Variants in DNAJC6 observed in about 807,000 individuals in gnomAD.
DNAJC6 encodes auxilin.
DNAJC6 carries 34 observed loss-of-function variants against 110.0 expected under a neutral mutation model. The ratio of observed to expected loss-of-function variants is 0.31; its 90% CI spans 0.24 to 0.41. The LOEUF is 0.41. DNAJC6 is among the 10% of genes least tolerant of loss of function. The pLI, the probability that DNAJC6 is intolerant of heterozygous loss-of-function variation, is 1.00. For synonymous variants in DNAJC6, 406 were observed against 437.2 expected, an observed-to-expected ratio of 0.93 and a Z score of 0.89; for missense variants, 1,031 against 1,207.8, an observed-to-expected ratio of 0.85 and a Z score of 2.17.
chr1:65,411,733 G>C (rs1037713627), intron 18 of DNAJC6, among the ~76,000 whole-genome samples: 1 of 152,120 alleles, frequency 6.6e-6, no homozygotes, highest in South Asian at 2.1e-4. Flanking sequence ...CTTTGGGGGG[G>C]GCAGGGTAGG....
chr1:65,309,804 A>G lies in DNAJC6; in HGVS notation c.59A>G (p.Gln20Arg). The change falls in exon 1 of 19, where the codon CAG (glutamine) becomes CGG (arginine). Residue 20 changes from glutamine to arginine, a missense_variant. Coordinates refer to ENST00000371069, the MANE Select transcript of DNAJC6 (RefSeq NM_001256864.2). ...AGCAACGATGGTTATGAATCTTTGCAGCTGGTGGACAGTAACGGGGACTTA... is the reference window on the plus strand; with the variant it reads ...AGCAACGATGGTTATGAATCTTTGCGGCTGGTGGACAGTAACGGGGACTTA... Reference protein sequence around the residue: ...KTSNDGYESLQLVDSNGDLSA... With the variant: ...KTSNDGYESLRLVDSNGDLSA... 1 of 1,549,802 alleles carries G rather than the reference A, an allele frequency of 6.5e-7. No homozygotes were observed. The highest frequency in any genetic ancestry group is 8.7e-7 in the Non-Finnish European group (1 of 1,146,622).
At chr1:65,272,466 G>A (rs1653535408) in intron 1 of DNAJC6, among the ~76,000 whole-genome samples, 1 of 152,210 alleles carries the variant, frequency 6.6e-6, no homozygotes, top group Non-Finnish European at 1.5e-5. Context: ...CTTTGTCCAT[G>A]AGAGAGATTA....
At chr1:65,371,449 T>A (rs1319896298) in intron 4 of DNAJC6, among the ~76,000 whole-genome samples, 1 of 152,106 alleles carries the variant, frequency 6.6e-6, no homozygotes, top group Non-Finnish European at 1.5e-5. Flanking sequence ...TTGCTTAGAG[T>A]CATCATGCAG....
chr1:65,283,207 A>G (rs1653908103), intron 1 of DNAJC6, among the ~76,000 whole-genome samples: 1 of 152,240 alleles, frequency 6.6e-6, no homozygotes, highest in Admixed American at 6.5e-5. Flanking sequence ...TATGCTATGT[A>G]CTATGTGAAT....
intron 1 of DNAJC6, among the ~76,000 whole-genome samples, chr1:65,348,938 G>A (rs989159638): frequency 6.9e-6 from 1 of 145,326 alleles, no homozygotes; most frequent in African/African-American, 2.5e-5. Context: ...TTGTGTGTGT[G>A]CATGTGTGTA....
rs1646157582 is a variant in DNAJC6 at position 65,414,871 on chromosome 1, CAATT to C, written c.*1849_*1852del. On this transcript the variant is annotated 3_prime_UTR_variant, in exon 19 of 19. Coordinates refer to ENST00000371069, the MANE Select transcript of DNAJC6 (RefSeq NM_001256864.2). ...TGTGAACTACAGTATATAATGATAA[CAATT>C]AAAAGGATATTCTGTGGATGTCACG... 6.6e-6 allele frequency: 1 copy of C among 152,554 alleles called. No homozygotes were observed. The highest frequency in any genetic ancestry group is 2.4e-5 in the African/African-American group (1 of 41,420). The allele number at this position is 152,554 out of a possible 1,614,324, so 9.5% of individuals were successfully genotyped here.
chr1:65,296,694 T>C (rs928417199), intron 1 of DNAJC6, among the ~76,000 whole-genome samples: 1 of 151,694 alleles, frequency 6.6e-6, no homozygotes, highest in Non-Finnish European at 1.5e-5. Context: ...TTCAAGCAAT[T>C]CTCTGCCTCA....
In DNAJC6 at chr1:65,365,948, G is replaced by A; in HGVS notation, c.394+14G>A. On this transcript the variant is annotated intron_variant, in intron 3 of 18. Coordinates refer to ENST00000371069, the MANE Select transcript of DNAJC6 (RefSeq NM_001256864.2). ...CCAGAATTATTGGTAAGTTTCTCAT[G>A]TTTATTAACAGTCCTTTGGCTCAGT... 1 of 1,613,498 alleles carries A rather than the reference G, an allele frequency of 6.2e-7. No individual in the cohort carries two copies. Among genetic ancestry groups the A allele is most frequent in the Non-Finnish European group, 8.5e-7 (1 of 1,179,650 alleles).
chr1:65,323,224 C>T (rs768711098), intron 1 of DNAJC6, among the ~76,000 whole-genome samples: 34 of 152,136 alleles, frequency 2.2e-4, no homozygotes, highest in Non-Finnish European at 4.4e-4. Flanking sequence ...TATGATTTGG[C>T]TTTGTGTCCT....
At chr1:65,377,419 C>A (rs901398096) in intron 4 of DNAJC6, among the ~76,000 whole-genome samples, 4 of 152,138 alleles carry the variant, frequency 2.6e-5, no homozygotes, top group African/African-American at 9.7e-5. Context: ...AAAGACTAGA[C>A]CAGAAACAGT....
chr1:65,380,922 T>TTG (rs1553145957), intron 5 of DNAJC6, among the ~76,000 whole-genome samples: 1,710 of 125,026 alleles, frequency 0.014, 205 homozygotes, highest in African/African-American at 0.059. Context: ...TTTTGTTTTG[T>TTG]TTTTTTTTTT....
chr1:65,345,262 G>A (rs1263229261), intron 1 of DNAJC6, among the ~76,000 whole-genome samples: 2 of 151,330 alleles, frequency 1.3e-5, no homozygotes, highest in African/African-American at 4.9e-5. Flanking sequence ...GTGTGTGTGT[G>A]TGTGTATTTT....
intron 1 of DNAJC6, among the ~76,000 whole-genome samples, chr1:65,269,970 A>T (rs1653453508): frequency 6.6e-6 from 1 of 152,070 alleles, no homozygotes; most frequent in Admixed American, 6.6e-5. Context: ...ATGTAGTAAA[A>T]CCTTCTATAC....
chr1:65,373,525 A>G lies in DNAJC6; in HGVS notation c.544-5877A>G, dbSNP rs182495090. Among the ~76,000 whole-genome samples, 172 of 152,194 alleles carry G rather than the reference A, an allele frequency of 1.1e-3. 1 individual carries two copies. Among genetic ancestry groups the G allele is most frequent in the African/African-American group, 3.9e-3 (160 of 41,530 alleles). On this transcript the variant is annotated intron_variant, in intron 4 of 18. Coordinates refer to ENST00000371069, the MANE Select transcript of DNAJC6 (RefSeq NM_001256864.2). ...TGTGATTTTGATTTGCATTTCTCTGATTAGTGATGTTGGACATTTTTTCAT... is the reference window on the plus strand; with the variant it reads ...TGTGATTTTGATTTGCATTTCTCTGGTTAGTGATGTTGGACATTTTTTCAT...
intron 4 of DNAJC6, 52 bp from the exon 5 acceptor site, chr1:65,379,350 A>T: frequency 6.2e-7 from 1 of 1,608,262 alleles, no homozygotes; most frequent in Non-Finnish European, 8.5e-7. Context: ...TAACCTGCTT[A>T]TGAAGAGGAA....
chr1:65,381,503 C>T (rs9725541), intron 5 of DNAJC6, among the ~76,000 whole-genome samples: 94,140 of 150,792 alleles, frequency 0.62, 30,072 homozygotes, highest in African/African-American at 0.78. Context: ...GGGCTGAGAT[C>T]GTGCCAGTGC....
chr1:65,351,341 G>A (rs1645488220), intron 1 of DNAJC6, among the ~76,000 whole-genome samples: 1 of 152,112 alleles, frequency 6.6e-6, no homozygotes, highest in African/African-American at 2.4e-5. Flanking sequence ...CCATTATCAT[G>A]GTTGGAAGTG....
intron 5 of DNAJC6, among the ~76,000 whole-genome samples, chr1:65,382,490 G>A (rs571806101): frequency 2.4e-4 from 37 of 152,204 alleles, no homozygotes; most frequent in Middle Eastern, 6.8e-3. Flanking sequence ...TAGTGAATTT[G>A]GATTTTAAAA....
intron 4 of DNAJC6, among the ~76,000 whole-genome samples, chr1:65,377,052 C>A (rs9436722): frequency 6.6e-6 from 1 of 152,200 alleles, no homozygotes; most frequent in Non-Finnish European, 1.5e-5. Flanking sequence ...CGTGAGCCAC[C>A]ACACCTGGCC....
Sources: allele counts gnomAD v4.1 joint callset (sites outside exome capture counted in the v4.1 genomes callset), GRCh38; gene constraint gnomAD v4.1.1; transcripts MANE v1.5; gene names NCBI Gene and HGNC (gene_info 2026-07-23, HGNC 2026-07-21).